SCN8A: variants seen among roughly 807,000 people sequenced by gnomAD.
SCN8A encodes the protein sodium voltage-gated channel alpha subunit 8.
Under a neutral mutation model 184.1 loss-of-function variants are expected in SCN8A, and 30 were observed. That is an observed-to-expected ratio of 0.16 (90% CI 0.12 to 0.22). The LOEUF is 0.22. Ranked by LOEUF, SCN8A falls within the 10% of genes least tolerant of loss-of-function variation. The probability of loss-of-function intolerance (pLI) is 1.00; values close to 1 mark genes in which losing one functional copy is unlikely to be tolerated. For synonymous variants in SCN8A, 852 were observed against 907.0 expected, an observed-to-expected ratio of 0.94 and a Z score of 1.09; for missense variants, 1,057 against 2,498.9, an observed-to-expected ratio of 0.42 and a Z score of 12.30.
At chr12:51,762,041 C>A (rs775862369) in intron 14 of SCN8A, among the ~76,000 whole-genome samples, 3 of 151,964 alleles carry the variant, frequency 2.0e-5, no homozygotes, top group Non-Finnish European at 4.4e-5. Flanking sequence ...ATATTGTATG[C>A]TTTTACACCT....
At chr12:51,688,541 A>G (rs552447737) in intron 5 of SCN8A, among the ~76,000 whole-genome samples, 1 of 152,342 alleles carries the variant, frequency 6.6e-6, no homozygotes, top group Non-Finnish European at 1.5e-5. Context: ...TATGCTGATT[A>G]AAGGAGTAAA....
chr12:51,645,384 G>A (rs1940557208), intron 1 of SCN8A, among the ~76,000 whole-genome samples: 1 of 151,464 alleles, frequency 6.6e-6, no homozygotes, highest in African/African-American at 2.4e-5. Flanking sequence ...GGTGAGGGGC[G>A]CCTCTGCCCG....
rs758088710 is a variant in SCN8A at position 51,810,324 on chromosome 12, C to T, written c.*2895C>T. 2 of 358,928 alleles carry T rather than the reference C, an allele frequency of 5.6e-6. No homozygotes were observed. The highest frequency in any genetic ancestry group is 3.9e-5 in the South Asian group (2 of 50,872). 22.2% of individuals were successfully genotyped at this position (358,928 alleles called of 1,614,324 possible). On this transcript the variant is annotated 3_prime_UTR_variant, in exon 27 of 27. Coordinates refer to ENST00000627620, the MANE Select transcript of SCN8A (RefSeq NM_001330260.2). ...TTCCACCTGCTCACTCACTCACTCT[C>T]TCACCCATCCTGCTCCACACTTCTT...
At chr12:51,734,063 C>T (rs1437546583) in intron 12 of SCN8A, among the ~76,000 whole-genome samples, 1 of 152,120 alleles carries the variant, frequency 6.6e-6, no homozygotes, top group Non-Finnish European at 1.5e-5. Context: ...CTTCATTCCA[C>T]ATTCATTTAT....
At chr12:51,632,118 A>G (rs1461101375) in intron 1 of SCN8A, among the ~76,000 whole-genome samples, 1 of 152,228 alleles carries the variant, frequency 6.6e-6, no homozygotes, top group African/African-American at 2.4e-5. Context: ...TGTTGCCACC[A>G]CTTGTTCAAG....
intron 16 of SCN8A, among the ~76,000 whole-genome samples, chr12:51,767,339 A>G (rs1319056392): frequency 6.6e-6 from 1 of 151,846 alleles, no homozygotes; most frequent in Non-Finnish European, 1.5e-5. Flanking sequence ...TGTTACCACT[A>G]CCCCCTGATG....
At chr12:51,725,713 A>G (rs1942145926) in intron 12 of SCN8A, among the ~76,000 whole-genome samples, 1 of 152,214 alleles carries the variant, frequency 6.6e-6, no homozygotes, top group South Asian at 2.1e-4. Flanking sequence ...AGAAGGACAC[A>G]GTATATTAAG....
Position 51,765,691 on chromosome 12 carries a change from C to A in SCN8A, c.2565C>A (p.Ala855=). ...CTTAGCTCCGAGTCTTCAAATTGGC[C>A]AAATCCTGGCCCACCCTGAACATGC... ...SFRLLRVFKL[A]KSWPTLNMLI... Residue 855 remains alanine, a synonymous_variant, in exon 16 of 27, where the codon GCC becomes GCA. Coordinates refer to ENST00000627620, the MANE Select transcript of SCN8A (RefSeq NM_001330260.2). 6.3e-7 allele frequency: 1 copy of A among 1,585,174 alleles called. No individual in the cohort carries two copies.
At chr12:51,729,705 T>C (rs1300046503) in intron 12 of SCN8A, among the ~76,000 whole-genome samples, 3 of 152,196 alleles carry the variant, frequency 2.0e-5, no homozygotes. Flanking sequence ...TCCTGGGTCA[T>C]ATGGTAAATG....
intron 14 of SCN8A, 53 bp downstream of exon 14, chr12:51,751,646 A>G: frequency 7.3e-7 from 1 of 1,362,918 alleles, no homozygotes; most frequent in African/African-American, 1.4e-5. Context: ...TTTTGCCTGT[A>G]GGATATCTTT....
chr12:51,655,569 T>C (rs1433929282), intron 1 of SCN8A, among the ~76,000 whole-genome samples: 1 of 152,038 alleles, frequency 6.6e-6, no homozygotes, highest in Non-Finnish European at 1.5e-5. Flanking sequence ...AGATGGTATC[T>C]TCCTATGTTG....
intron 3 of SCN8A, 88 bp downstream of exon 3, chr12:51,684,380 T>A: frequency 1.4e-6 from 1 of 738,542 alleles, no homozygotes; most frequent in Non-Finnish European, 2.4e-6. Context: ...GATTATATGT[T>A]AAGTTTTTTA....
At chr12:51,794,146 A>C (rs1421760361) in intron 25 of SCN8A, among the ~76,000 whole-genome samples, 1 of 152,190 alleles carries the variant, frequency 6.6e-6, no homozygotes, top group Non-Finnish European at 1.5e-5. Flanking sequence ...ACTGTGTCTC[A>C]AGAAAAACAA....
chr12:51,786,263 T>G (rs1314952064), intron 21 of SCN8A, among the ~76,000 whole-genome samples: 1 of 152,226 alleles, frequency 6.6e-6, no homozygotes, highest in Non-Finnish European at 1.5e-5. Flanking sequence ...AATTTTTCAG[T>G]CCCAGGCTGA....
intron 12 of SCN8A, among the ~76,000 whole-genome samples, chr12:51,726,539 T>C (rs1205784300): frequency 6.6e-6 from 1 of 152,178 alleles, no homozygotes; most frequent in Non-Finnish European, 1.5e-5. Context: ...ATACTAACTC[T>C]GAAGCCCAAG....
chr12:51,692,983 A>C (rs1369170715), intron 6 of SCN8A, among the ~76,000 whole-genome samples: 1 of 152,164 alleles, frequency 6.6e-6, no homozygotes, highest in Non-Finnish European at 1.5e-5. Flanking sequence ...CTTCTTTAGA[A>C]TTGTACTTTC....
intron 1 of SCN8A, among the ~76,000 whole-genome samples, chr12:51,661,622 TA>T (rs555368134): frequency 8.6e-5 from 13 of 150,302 alleles, no homozygotes; most frequent in African/African-American, 1.9e-4. Context: ...TCTTTAGTCT[TA>T]AAAAAAAAAT....
At chr12:51,657,994 A>G (rs118035756) in intron 1 of SCN8A, among the ~76,000 whole-genome samples, 7 of 152,100 alleles carry the variant, frequency 4.6e-5, no homozygotes, top group Non-Finnish European at 1.0e-4. Context: ...TTATGCTAAT[A>G]CCATGTTGTT....
intron 12 of SCN8A, among the ~76,000 whole-genome samples, chr12:51,740,936 C>T (rs1342103460): frequency 6.6e-6 from 1 of 152,152 alleles, no homozygotes; most frequent in East Asian, 1.9e-4. Context: ...AGGCATGCAC[C>T]ACCATGCCTG....
Sources: gnomAD v4.1 joint callset for allele counts (sites outside exome capture counted in the v4.1 genomes callset) on GRCh38, gnomAD v4.1.1 for gene constraint, MANE v1.5 for transcripts, NCBI Gene and HGNC (gene_info 2026-07-23, HGNC 2026-07-21) for gene names.